The following DMKN variants were observed in gnomAD, a reference collection of about 807,000 sequenced individuals.
The protein encoded by DMKN is dermokine.
A neutral mutation model predicts 67.6 loss-of-function variants in DMKN; 58 were observed. That is an observed-to-expected ratio of 0.86 (90% CI 0.69 to 1.07). The LOEUF is 1.07. DMKN is among the 50% of genes least tolerant of loss of function. The pLI is 0.00. For missense variants in DMKN, 596 were observed against 601.5 expected (o/e 0.99, Z 0.10); for synonymous variants, 240 against 232.3 (o/e 1.03, Z -0.30).
At position 35,513,431 on chromosome 19, in the gene DMKN, G is replaced by T; in HGVS notation, c.45C>A (p.Cys15Ter). The change falls in exon 1 of 16, where the codon TGC becomes TGA. Residue 15 changes from cysteine (C) to a stop codon, truncating the protein, a stop_gained. Coordinates refer to ENST00000339686, the MANE Select transcript of DMKN (RefSeq NM_033317.5). LOFTEE classifies it high-confidence loss of function. ...GPLACLLLAL[C>*]LGSGEAGPLQ... is the part of the protein sequence containing the mutation. ...GGGGGCCAGCCTCCCCACTGCCCAG[G>T]CAGAGGGCCAGCAGGAGGCAGGCCA... The T allele has an allele frequency of 6.2e-7, 1 of 1,602,874 alleles. No homozygotes were observed. Among genetic ancestry groups the T allele is most frequent in the Non-Finnish European group, 8.5e-7 (1 of 1,179,916 alleles).
In DMKN at chr19:35,510,246, T is replaced by G; in HGVS notation, c.925A>C (p.Ser309Arg). The change falls in exon 6 of 16, where the codon AGC (serine) becomes CGC (arginine). Residue 309 changes from serine to arginine, a missense_variant. Ser to Arg is a moderately radical substitution (Grantham distance 110). Coordinates refer to ENST00000339686, the MANE Select transcript of DMKN (RefSeq NM_033317.5). ...TGGTTGCCGGAGGAGGAGCCGGTGCTGGATCCCTGCAGGGGAAAGCAAGAT... is the reference window on the plus strand; with the variant it reads ...TGGTTGCCGGAGGAGGAGCCGGTGCGGGATCCCTGCAGGGGAAAGCAAGAT... ...DSGSESSWGS[S>R]TGSSSGNHGG... The G allele has an allele frequency of 1.2e-6, 2 of 1,604,330 alleles. No homozygotes were observed. The highest frequency in any genetic ancestry group is 1.7e-6 in the Non-Finnish European group (2 of 1,175,470).
At chr19:35,507,301 G>T (rs182439437) in intron 7 of DMKN, 1 of 586,514 alleles carries the variant, frequency 1.7e-6, no homozygotes, top group Non-Finnish European at 3.0e-6. Context: ...ATGGAGATGG[G>T]GATCCCAGAA....
At chr19:35,499,877 A>T in intron 13 of DMKN, 81 bp downstream of exon 13, 2 of 1,506,252 alleles carry the variant, frequency 1.3e-6, no homozygotes, top group South Asian at 2.3e-5. Flanking sequence ...ACCAACCGAG[A>T]GGACCCCGGC....
At position 35,513,291 on chromosome 19, in the gene DMKN, G is replaced by GC; in HGVS notation, c.184dup (p.Ala62GlyfsTer5). On this transcript the variant is annotated frameshift_variant, in exon 1 of 16. Transcript: ENST00000339686. LOFTEE classifies it high-confidence loss of function. ...GGCCTCACTGACTTTAGAGCCAGCT[G>GC]CCCCTCCGGCCTCTTTGCCAATGGC... 6.2e-7 allele frequency: 1 copy of GC among 1,613,946 alleles called. No individual in the cohort carries two copies. The highest frequency in any genetic ancestry group is 8.5e-7 in the Non-Finnish European group (1 of 1,179,878).
chr19:35,511,511 CTGCTGCCACCACTGCTGCTGCCATTGT>C lies in DMKN; in HGVS notation c.791_817del (p.Asn264_Ser272del). On this transcript the variant is annotated inframe_deletion, in exon 5 of 16. Transcript: ENST00000339686. Reference sequence around the variant, plus strand: ...GCTGCCGCCACTGCTGCTGCCACTGCTGCTGCCACCACTGCTGCTGCCATTGTTGTTGTCACCATTGCTGCCACTGCC... The same window carrying C: ...GCTGCCGCCACTGCTGCTGCCACTGCTGTTGTCACCATTGCTGCCACTGCC... 1 of 1,512,498 alleles carries C rather than the reference CTGCTGCCACCACTGCTGCTGCCATTGT, an allele frequency of 6.6e-7. No homozygotes were observed. Among genetic ancestry groups the C allele is most frequent in the Non-Finnish European group, 8.9e-7 (1 of 1,125,868 alleles). 93.7% of individuals were successfully genotyped at this position (1,512,498 alleles called of 1,614,324 possible).
intron 5 of DMKN, 32 bp from the exon 6 acceptor site, chr19:35,510,284 C>A (rs1199245603): frequency 2.5e-6 from 4 of 1,570,686 alleles, no homozygotes; most frequent in Non-Finnish European, 3.5e-6. Flanking sequence ...CAAACGCTGT[C>A]CTAAAGGACC....
Position 35,513,570 on chromosome 19 carries a change from C to T in DMKN, c.-95G>A, listed in dbSNP as rs1295537933. On this transcript the variant is annotated 5_prime_UTR_variant, in exon 1 of 16. Coordinates refer to ENST00000339686, the MANE Select transcript of DMKN (RefSeq NM_033317.5). ...CTGCGTCTCTGTGCCCTCCTCTGTCCTCCTCCTTCCGACTCCCTGTCCTCC... is the reference window on the plus strand; with the variant it reads ...CTGCGTCTCTGTGCCCTCCTCTGTCTTCCTCCTTCCGACTCCCTGTCCTCC... 3.2e-5 allele frequency: 46 copies of T among 1,437,422 alleles called. No individual in the cohort carries two copies. Among genetic ancestry groups the T allele is most frequent in the Non-Finnish European group, 4.2e-5 (46 of 1,088,444 alleles). The allele number at this position is 1,437,422 out of a possible 1,614,324, so 89.0% of individuals were successfully genotyped here.
rs1463812577 is a variant in DMKN at position 35,513,408 on chromosome 19, G to A, written c.68C>T (p.Pro23Leu). Residue 23 changes from proline (P) to leucine (L), a missense_variant, in exon 1 of 16, where the codon CCC (proline) becomes CTC (leucine). By Grantham distance (98) the Pro-to-Leu change is moderately conservative (BLOSUM62 -3). Transcript: ENST00000339686. ...ALCLGSGEAG[P>L]LQSGEESTGT... ...AGTGCTTTCCTCTCCGCTCTGCAGG[G>A]GGCCAGCCTCCCCACTGCCCAGGCA... 14 of 1,605,762 alleles carry A rather than the reference G, an allele frequency of 8.7e-6. No individual in the cohort carries two copies. Among genetic ancestry groups the A allele is most frequent in the Non-Finnish European group, 1.2e-5 (14 of 1,179,964 alleles).
intron 7 of DMKN, chr19:35,508,048 T>C (rs1359569483): frequency 4.3e-6 from 4 of 935,074 alleles, no homozygotes; most frequent in South Asian, 1.7e-5. Flanking sequence ...CTGTGAAACA[T>C]GGCCAGACCC....
chr19:35,511,966 C>T lies in DMKN; in HGVS notation c.685-153G>A, dbSNP rs535519948. Among the ~76,000 whole-genome samples, 17 of 151,960 alleles carry T rather than the reference C, an allele frequency of 1.1e-4. No individual in the cohort carries two copies. In the South Asian group the frequency reaches 3.3e-3, roughly 30 times the overall value. ...CACCTCCCCTTCCCATCTGCCTCCT[C>T]CCCAGGCCCAGGCCCGTCTCTTCCT... On this transcript the variant is annotated intron_variant, in intron 3 of 15. Transcript: ENST00000339686.
chr19:35,511,813 A>C lies in DMKN; in HGVS notation c.685T>G (p.Cys229Gly), dbSNP rs778044281. ...GAGCCAGATGGTGGGGGATTCGTGC[A>C]CTGTCGAGGGAAAGGGATGGTGAGT... ...SVRASNQNEG[C>G]TNPPPSGSGG... Residue 229 changes from cysteine to glycine, a missense_variant and splice_region_variant, in exon 4 of 16, where the codon TGC becomes GGC. Transcript: ENST00000339686. 4 of 1,612,642 alleles carry C rather than the reference A, an allele frequency of 2.5e-6. No homozygotes were observed. Among genetic ancestry groups the C allele is most frequent in the Non-Finnish European group, 3.4e-6 (4 of 1,179,256 alleles).
intron 7 of DMKN, chr19:35,508,227 T>C: frequency 1.3e-6 from 2 of 1,552,282 alleles, no homozygotes; most frequent in Non-Finnish European, 1.7e-6. Context: ...GGAAACTCCC[T>C]GTCCTCTGAA....
At chr19:35,509,818 G>A (rs1001080972) in intron 7 of DMKN, 93 bp downstream of exon 7, 5 of 1,439,620 alleles carry the variant, frequency 3.5e-6, no homozygotes, top group Admixed American at 3.8e-5. Flanking sequence ...GACAAGGCAG[G>A]AGGGGGTTGA....
chr19:35,505,696 G>A lies in DMKN; in HGVS notation c.1134+22C>T, dbSNP rs113758934. On this transcript the variant is annotated intron_variant, in intron 9 of 15. Transcript: ENST00000339686. ...AGCTTTCTTCCCTATAGCCCTCTCC[G>A]ACGAAGATGTCCAGCCCTTACCTTG... 5,343 of 1,614,070 alleles carry A rather than the reference G, an allele frequency of 3.3e-3. 158 individuals carry two copies. In the African/African-American group the frequency reaches 0.064, roughly 19 times the overall value.
At chr19:35,497,810 T>A (rs1003676808) in intron 15 of DMKN, 20 of 152,740 alleles carry the variant, frequency 1.3e-4, no homozygotes, top group African/African-American at 3.6e-4. Flanking sequence ...AACATCTCTA[T>A]CCCGGTCCCT....
At chr19:35,506,555 G>T (rs6510493) in intron 7 of DMKN, 81,830 of 480,504 alleles carry the variant, frequency 0.17, 7,380 homozygotes, top group East Asian at 0.22. Flanking sequence ...CAACACCTTG[G>T]TCTGGTGGTG....
intron 7 of DMKN, 63 bp from the exon 8 acceptor site, chr19:35,506,049 T>C (rs1331439134): frequency 6.8e-6 from 11 of 1,613,018 alleles, no homozygotes; most frequent in Non-Finnish European, 9.3e-6. Flanking sequence ...AGTCGGGAGA[T>C]CTGAGTGGCA....
At chr19:35,499,220 C>G (rs2145840698) in intron 13 of DMKN, 7 of 410,566 alleles carry the variant, frequency 1.7e-5, no homozygotes, top group South Asian at 1.3e-4. Context: ...GTGGAAGCCA[C>G]AGATAACTCA....
intron 1 of DMKN, 53 bp downstream of exon 1, chr19:35,512,997 A>G: frequency 6.3e-7 from 1 of 1,599,672 alleles, no homozygotes; most frequent in South Asian, 1.1e-5. Flanking sequence ...CAAGAATCTC[A>G]GCCCAGCAGC....
Sources: gnomAD v4.1 joint callset for allele counts (sites outside exome capture counted in the v4.1 genomes callset) on GRCh38, gnomAD v4.1.1 for gene constraint, MANE v1.5 for transcripts, NCBI Gene and HGNC (gene_info 2026-07-23, HGNC 2026-07-21) for gene names.